The following ADCY2 variants were observed in gnomAD, a reference collection of about 807,000 sequenced individuals.
ADCY2 encodes adenylate cyclase 2, also known as adenylate cyclase type 2.
Under a neutral mutation model 125.2 loss-of-function variants are expected in ADCY2, and 31 were observed. The observed-to-expected ratio is 0.25, with a 90% confidence interval of 0.19 to 0.33. The LOEUF (loss-of-function observed/expected upper bound fraction) is 0.33, where lower values mean the gene tolerates loss of function less well. ADCY2 is among the 10% of genes least tolerant of loss of function. ADCY2 has a pLI of 1.00. For synonymous variants in ADCY2, 512 were observed against 548.4 expected (o/e 0.93, Z 0.93); for missense variants, 904 against 1,418.2 (o/e 0.64, Z 5.82).
chr5:7,495,265 C>T (rs1434377939), intron 2 of ADCY2, among the ~76,000 whole-genome samples: 1 of 152,118 alleles, frequency 6.6e-6, no homozygotes, highest in Non-Finnish European at 1.5e-5. Flanking sequence ...AAATTGGCTT[C>T]GTGGGAACTT....
intron 4 of ADCY2, among the ~76,000 whole-genome samples, chr5:7,681,588 A>G (rs1029648175): frequency 3.3e-5 from 5 of 152,096 alleles, no homozygotes; most frequent in Admixed American, 1.3e-4. Flanking sequence ...AGTTGACAAT[A>G]TTTTCAAAGG....
rs1321691397 is a variant in ADCY2 at position 7,756,028 on chromosome 5, A to G, written c.1957-1421A>G. 2.0e-5 allele frequency among the ~76,000 whole-genome samples: 3 copies of G among 152,270 alleles called. No homozygotes were observed. The East Asian group carries it at 5.8e-4, about 29-fold the overall frequency. On this transcript the variant is annotated intron_variant, in intron 15 of 24. Transcript: ENST00000338316. ...TCCTTCTTCTGAATTTCTTGAAATC[A>G]TCACCTTGTTTTGTTTCCAAGACAC... is the stretch of plus-strand genomic sequence containing the variant.
At chr5:7,767,721 C>A (rs1743430322) in intron 17 of ADCY2, among the ~76,000 whole-genome samples, 2 of 152,104 alleles carry the variant, frequency 1.3e-5, no homozygotes, top group African/African-American at 2.4e-5. Flanking sequence ...AAGCTCACAG[C>A]TCCATGCACA....
intron 3 of ADCY2, among the ~76,000 whole-genome samples, chr5:7,572,718 T>C (rs1212541840): frequency 1.3e-5 from 2 of 152,170 alleles, no homozygotes; most frequent in Non-Finnish European, 2.9e-5. Context: ...GTGCCTATGT[T>C]CTGGATGGTA....
At chr5:7,460,819 G>A (rs1202798209) in intron 2 of ADCY2, among the ~76,000 whole-genome samples, 2 of 152,176 alleles carry the variant, frequency 1.3e-5, no homozygotes, top group African/African-American at 2.4e-5. Context: ...ACACAACCTT[G>A]CAAGTAGTTG....
chr5:7,396,575 C>A lies in ADCY2; in HGVS notation c.210+69C>A. 7.3e-7 allele frequency: 1 copy of A among 1,373,772 alleles called. No homozygotes were observed. The highest frequency in any genetic ancestry group is 9.6e-7 in the Non-Finnish European group (1 of 1,045,244). The allele number at this position is 1,373,772 out of a possible 1,614,324, so 85.1% of individuals were successfully genotyped here. A position where few individuals can be genotyped will look rare whatever the true frequency, so the allele number is the denominator to read the frequency against. On this transcript the variant is annotated intron_variant, in intron 1 of 24. Coordinates refer to ENST00000338316, the MANE Select transcript of ADCY2 (RefSeq NM_020546.3). This position sits in a 1 kb window ranked among gnomAD's most constrained non-coding sequence, Gnocchi z 5.7. ...CCTGAGAGGAGCCCGGCCAGCCGAGCCGCGTCCCGCTCCGGGCTGCCCCTC... is the reference window on the plus strand; with the variant it reads ...CCTGAGAGGAGCCCGGCCAGCCGAGACGCGTCCCGCTCCGGGCTGCCCCTC...
At chr5:7,400,220 G>T (rs1452451124) in intron 1 of ADCY2, among the ~76,000 whole-genome samples, 3 of 152,150 alleles carry the variant, frequency 2.0e-5, no homozygotes, top group African/African-American at 7.2e-5. Context: ...ATAATTTTAA[G>T]TAGTCAGAGA....
chr5:7,559,547 G>T (rs879042365), intron 3 of ADCY2, among the ~76,000 whole-genome samples: 2 of 152,220 alleles, frequency 1.3e-5, no homozygotes, highest in Non-Finnish European at 2.9e-5. Context: ...CTTTGCTGAA[G>T]TTATTTATCA....
intron 2 of ADCY2, among the ~76,000 whole-genome samples, chr5:7,504,687 G>A (rs1424401422): frequency 3.3e-5 from 5 of 149,780 alleles, no homozygotes; most frequent in Non-Finnish European, 1.5e-5. Context: ...ATCTTGGGTG[G>A]TTGCAGAGAC....
chr5:7,506,500 T>A (rs778684323), intron 2 of ADCY2, among the ~76,000 whole-genome samples: 1 of 152,202 alleles, frequency 6.6e-6, no homozygotes, highest in Non-Finnish European at 1.5e-5. Flanking sequence ...AAGGCCATGG[T>A]TACCATTGCC....
chr5:7,592,079 A>G (rs1352311739), intron 3 of ADCY2, among the ~76,000 whole-genome samples: 1 of 152,194 alleles, frequency 6.6e-6, no homozygotes, highest in Non-Finnish European at 1.5e-5. Flanking sequence ...AGTGGCATTC[A>G]CTACTCAATT....
chr5:7,447,533 C>T (rs56018738), intron 2 of ADCY2, among the ~76,000 whole-genome samples: 14,436 of 152,158 alleles, frequency 0.095, 773 homozygotes, highest in Middle Eastern at 0.21. Context: ...CTCCACACCT[C>T]CCCCTACCTC....
At chr5:7,694,689 C>T (rs1027776576) in intron 5 of ADCY2, among the ~76,000 whole-genome samples, 1 of 152,184 alleles carries the variant, frequency 6.6e-6, no homozygotes, top group East Asian at 1.9e-4. Flanking sequence ...AATGGACATT[C>T]GGTTTGCTTC....
At chr5:7,522,926 AAAAAAAAAAC>A (rs915369045) in intron 3 of ADCY2, among the ~76,000 whole-genome samples, 2 of 7,128 alleles carry the variant, frequency 2.8e-4, no homozygotes, top group Admixed American at 3.0e-3. Context: ...ACTCCGTCTC[AAAAAAAAAAC>A]AAAAAAAAAC....
chr5:7,826,194 C>G (rs1401809898), intron 24 of ADCY2, among the ~76,000 whole-genome samples: 1 of 152,162 alleles, frequency 6.6e-6, no homozygotes. Context: ...CAGGAGTCTA[C>G]AGTGCTCAGT....
At chr5:7,619,456 G>T (rs1348020824) in intron 3 of ADCY2, among the ~76,000 whole-genome samples, 1 of 152,188 alleles carries the variant, frequency 6.6e-6, no homozygotes, top group Non-Finnish European at 1.5e-5. Context: ...TGGTGGTAGT[G>T]ATTCTCTCTG....
chr5:7,786,511 G>A lies in ADCY2; in HGVS notation c.2469+2062G>A, dbSNP rs553982234. 5.9e-5 allele frequency among the ~76,000 whole-genome samples: 9 copies of A among 152,294 alleles called. No individual in the cohort carries two copies. In the South Asian group the frequency reaches 1.9e-3, roughly 32 times the overall value. On this transcript the variant is annotated intron_variant, in intron 19 of 24. Coordinates refer to ENST00000338316, the MANE Select transcript of ADCY2 (RefSeq NM_020546.3). ...ATCTTTTTTGAAATGATGGAGATAT[G>A]TTTGCTTTCTGAGCAAATCAGTATA... is the stretch of plus-strand genomic sequence containing the variant.
chr5:7,795,004 G>T (rs1744377530), intron 20 of ADCY2: 1 of 152,126 alleles, frequency 6.6e-6, no homozygotes, highest in African/African-American at 2.4e-5. Context: ...GAGTGTGGCT[G>T]ATGCTGGGAC....
intron 4 of ADCY2, among the ~76,000 whole-genome samples, chr5:7,640,915 T>C (rs1233603093): frequency 6.6e-6 from 1 of 152,214 alleles, no homozygotes; most frequent in Non-Finnish European, 1.5e-5. Context: ...TATCCAGCTG[T>C]GAATGGATTT....
Sources: gnomAD v4.1 joint callset for allele counts (sites outside exome capture counted in the v4.1 genomes callset) on GRCh38, gnomAD v4.1.1 for gene constraint, Gnocchi (gnomAD v3.1) non-coding constraint, MANE v1.5 for transcripts, NCBI Gene and HGNC (gene_info 2026-07-23, HGNC 2026-07-21) for gene names.